The following DNAH3 variants were observed in gnomAD, a reference collection of about 807,000 sequenced individuals.
The protein encoded by DNAH3 is dynein axonemal heavy chain 3, also known as axonemal beta dynein heavy chain 3.
DNAH3 carries 332 observed loss-of-function variants against 432.5 expected under a neutral mutation model. The ratio of observed to expected loss-of-function variants is 0.77; its 90% CI spans 0.70 to 0.84. The LOEUF is 0.84. Ranked by LOEUF, DNAH3 falls within the 40% of genes least tolerant of loss-of-function variation. The pLI is 0.00. For missense variants in DNAH3, 4,861 were observed against 5,114.0 expected (o/e 0.95, Z 1.51); for synonymous variants, 1,956 against 1,900.2 (o/e 1.03, Z -0.76).
intron 20 of DNAH3, among the ~76,000 whole-genome samples, chr16:21,079,734 C>T (rs2091112609): frequency 6.6e-6 from 1 of 152,208 alleles, no homozygotes; most frequent in African/African-American, 2.4e-5. Context: ...TTGGAAACAT[C>T]TTACTGGGGG....
At chr16:20,951,642 C>A (rs2084315433) in intron 56 of DNAH3, among the ~76,000 whole-genome samples, 1 of 151,462 alleles carries the variant, frequency 6.6e-6, no homozygotes, top group Admixed American at 6.6e-5. Context: ...TGGGATTTTG[C>A]CCCAGCCGGT....
At chr16:21,149,143 C>T (rs2092822244) in intron 1 of DNAH3, among the ~76,000 whole-genome samples, 3 of 151,370 alleles carry the variant, frequency 2.0e-5, no homozygotes, top group African/African-American at 4.9e-5. Context: ...GCAGGAGAAT[C>T]GCTTGAACCC....
intron 44 of DNAH3, 77 bp downstream of exon 44, chr16:20,997,206 C>CA (rs1425698988): frequency 1.3e-6 from 2 of 1,499,816 alleles, no homozygotes; most frequent in Non-Finnish European, 1.8e-6. Context: ...TGTGGCACAC[C>CA]AACCCACCTT....
chr16:21,087,212 G>A, intron 18 of DNAH3, 152 bp from the exon 19 acceptor site: 1 of 667,466 alleles, frequency 1.5e-6, no homozygotes, highest in Non-Finnish European at 2.6e-6. Flanking sequence ...CTTAGCCAGT[G>A]GAACCTTAGA....
At chr16:21,090,806 G>A (rs11644880) in intron 18 of DNAH3, among the ~76,000 whole-genome samples, 1 of 152,120 alleles carries the variant, frequency 6.6e-6, no homozygotes, top group Non-Finnish European at 1.5e-5. Flanking sequence ...TTATACTGGA[G>A]AAATAAATTT....
chr16:21,025,883 A>C (rs2088527548), intron 38 of DNAH3, among the ~76,000 whole-genome samples: 1 of 151,910 alleles, frequency 6.6e-6, no homozygotes, highest in African/African-American at 2.4e-5. Flanking sequence ...ACGGGCACCC[A>C]CCACCATGCT....
chr16:20,982,694 GA>G, intron 49 of DNAH3, 26 bp downstream of exon 49: 1 of 1,593,010 alleles, frequency 6.3e-7, no homozygotes, highest in Non-Finnish European at 8.6e-7. Context: ...GGAATATCTA[GA>G]GTCCTAAAAT....
At chr16:21,126,166 TCAAA>T (rs946374963) in intron 8 of DNAH3, among the ~76,000 whole-genome samples, 11 of 146,854 alleles carry the variant, frequency 7.5e-5, no homozygotes, top group Non-Finnish European at 1.2e-4. Flanking sequence ...AAACTCTGTC[TCAAA>T]CAAACAAACA....
chr16:21,075,019 C>T (rs2090925717), intron 21 of DNAH3, among the ~76,000 whole-genome samples: 1 of 152,222 alleles, frequency 6.6e-6, no homozygotes, highest in Non-Finnish European at 1.5e-5. Flanking sequence ...TAGATTCCAT[C>T]CCAGACCTGC....
rs747589007 is a variant in DNAH3 at position 21,117,188 on chromosome 16, T to C, written c.1814+15A>G. ...CAAAAAGCTACATAGCTAATAAATT[T>C]ATAACTCAACTTACTTGCAGGGGCC... On this transcript the variant is annotated intron_variant, in intron 12 of 61. Coordinates refer to ENST00000261383, the Ensembl canonical transcript of DNAH3. 3 of 1,558,486 alleles carry C rather than the reference T, an allele frequency of 1.9e-6. No individual in the cohort carries two copies. The Admixed American group carries it at 5.6e-5, about 29-fold the overall frequency.
exon 41 of DNAH3, chr16:21,019,705 T>C: frequency 6.2e-7 from 1 of 1,614,180 alleles, no homozygotes; most frequent in Non-Finnish European, 8.5e-7. Flanking sequence ...ATGATCAGGT[T>C]GCGGAAAAAC....
chr16:21,018,302 G>A (rs979510731), intron 41 of DNAH3, among the ~76,000 whole-genome samples: 4 of 152,138 alleles, frequency 2.6e-5, no homozygotes, highest in Admixed American at 2.6e-4. Flanking sequence ...AGTACTTGTA[G>A]TATGATCCTC....
intron 18 of DNAH3, among the ~76,000 whole-genome samples, chr16:21,088,541 G>C (rs1009897239): frequency 2.6e-5 from 4 of 152,168 alleles, no homozygotes; most frequent in African/African-American, 9.7e-5. Context: ...TACAACAAGA[G>C]AGAAGAACAT....
At chr16:20,993,935 T>C (rs1249367197) in intron 44 of DNAH3, among the ~76,000 whole-genome samples, 1 of 152,220 alleles carries the variant, frequency 6.6e-6, no homozygotes, top group African/African-American at 2.4e-5. Flanking sequence ...TATTCTTAGG[T>C]ATACAATGTG....
At chr16:21,036,546 C>T (rs910005926) in intron 35 of DNAH3, among the ~76,000 whole-genome samples, 168 bp downstream of exon 35, 2 of 152,186 alleles carry the variant, frequency 1.3e-5, no homozygotes, top group African/African-American at 2.4e-5. Flanking sequence ...TCTCAAGTAG[C>T]TGGGACTACA....
At chr16:20,977,329 A>T (rs2085640531) in intron 50 of DNAH3, among the ~76,000 whole-genome samples, 1 of 152,160 alleles carries the variant, frequency 6.6e-6, no homozygotes, top group African/African-American at 2.4e-5. Context: ...GTGAGTCAAG[A>T]TTGCACCACT....
chr16:20,969,426 T>TTCTCTC (rs145402033), intron 52 of DNAH3, among the ~76,000 whole-genome samples: 7 of 150,064 alleles, frequency 4.7e-5, no homozygotes, highest in East Asian at 3.9e-4. Context: ...CTTTCTCTGC[T>TTCTCTC]TCTCTCTCTC....
chr16:21,098,484 A>G (rs964445609), intron 17 of DNAH3, 132 bp downstream of exon 17: 1 of 877,256 alleles, frequency 1.1e-6, no homozygotes, highest in African/African-American at 1.7e-5. Context: ...AGTACCAATG[A>G]AAGAACTGGC....
chr16:21,085,077 G>A (rs1462915646), intron 19 of DNAH3, among the ~76,000 whole-genome samples: 5 of 151,664 alleles, frequency 3.3e-5, no homozygotes, highest in African/African-American at 7.3e-5. Context: ...CTGCTGGGGC[G>A]TTTCAAAACC....
Sources: allele counts gnomAD v4.1 joint callset (sites outside exome capture counted in the v4.1 genomes callset), GRCh38; gene constraint gnomAD v4.1.1; transcripts MANE v1.5; gene names NCBI Gene and HGNC (gene_info 2026-07-23, HGNC 2026-07-21).